Variants in BOC observed in about 807,000 individuals in gnomAD.
BOC encodes the protein BOC cell adhesion associated, oncogene regulated, also known as brother of CDO.
In BOC, 76 loss-of-function variants were observed where a neutral mutation model predicts 112.0. That is an observed-to-expected ratio of 0.68 (90% confidence interval 0.56 to 0.82). BOC has a LOEUF of 0.82. BOC is among the 40% of genes least tolerant of loss of function. BOC has a pLI of 0.00. For missense variants in BOC, 1,309 were observed against 1,511.7 expected, an observed-to-expected ratio of 0.87 and a Z score of 2.22; for synonymous variants, 580 against 599.8, an observed-to-expected ratio of 0.97 and a Z score of 0.48.
intron 2 of BOC, among the ~76,000 whole-genome samples, chr3:113,240,017 G>A (rs986378208): frequency 2.0e-5 from 3 of 152,146 alleles, no homozygotes; most frequent in Non-Finnish European, 2.9e-5. Context: ...AGTTCATACC[G>A]AGGACCAAGG....
intron 2 of BOC, among the ~76,000 whole-genome samples, chr3:113,223,701 C>T (rs763808658): frequency 1.7e-4 from 26 of 148,634 alleles, no homozygotes; most frequent in Non-Finnish European, 3.6e-4. Context: ...TGGAATCACA[C>T]AGCCTATGCC....
chr3:113,212,219 C>T (rs1026290216), intron 1 of BOC: 15 of 151,356 alleles, frequency 9.9e-5, no homozygotes, highest in Non-Finnish European at 1.8e-4. Context: ...GCTGGGCGCG[C>T]CGGGCGCCGG....
At chr3:113,253,910 C>T (rs185813191) in intron 4 of BOC, among the ~76,000 whole-genome samples, 1 of 152,204 alleles carries the variant, frequency 6.6e-6, no homozygotes, top group Non-Finnish European at 1.5e-5. Context: ...CAGCACAAGT[C>T]TGTAGAGACT....
At position 113,224,904 on chromosome 3, in the gene BOC, C is replaced by T. The variant is rs548416437; in HGVS notation, c.-82+8630C>T. 3.9e-5 allele frequency among the ~76,000 whole-genome samples: 6 copies of T among 151,956 alleles called. No homozygotes were observed. In the East Asian group the frequency reaches 7.8e-4, roughly 20 times the overall value. ...CATTCTGGCTAACACTGTGAAACCC[C>T]GTCTCTACTAAAAATACAAGAAATT... On this transcript the variant is annotated intron_variant, in intron 2 of 19. Transcript: ENST00000682979.
Position 113,272,654 on chromosome 3 carries a change from G to A in BOC, c.912G>A (p.Gly304=). Residue 304 remains glycine (G), a synonymous_variant, in exon 7 of 20, where the codon GGG becomes GGA. Coordinates refer to ENST00000682979, the MANE Select transcript of BOC (RefSeq NM_001378074.1). ...CCTACCGCTGCATGGCCGACAATGG[G>A]GTTGGGCAGCCCGGGGCAGCGGTCA... ...SGTYRCMADN[G]VGQPGAAVIL... is the part of the protein sequence containing the mutation. 1 of 1,613,938 alleles carries A rather than the reference G, an allele frequency of 6.2e-7. No individual in the cohort carries two copies. Among genetic ancestry groups the A allele is most frequent in the Non-Finnish European group, 8.5e-7 (1 of 1,179,992 alleles).
chr3:113,233,152 T>TGG (rs1293748930), intron 2 of BOC, among the ~76,000 whole-genome samples: 2 of 100,190 alleles, frequency 2.0e-5, no homozygotes, highest in East Asian at 2.1e-4. Context: ...GATTGGGGTG[T>TGG]GTGTGTGTGT....
chr3:113,255,916 T>A (rs113997988), intron 4 of BOC, among the ~76,000 whole-genome samples: 23 of 152,290 alleles, frequency 1.5e-4, no homozygotes, highest in African/African-American at 4.3e-4. Flanking sequence ...CTAAAAAAAA[T>A]TTTTAAATTC....
intron 4 of BOC, among the ~76,000 whole-genome samples, chr3:113,254,814 C>T (rs553737794): frequency 6.6e-6 from 1 of 152,312 alleles, no homozygotes; most frequent in Non-Finnish European, 1.5e-5. Context: ...GGCTTAGGAC[C>T]AGGCTTGAGG....
At chr3:113,216,309 G>A (rs1466521632) in intron 2 of BOC, 35 bp downstream of exon 2, 1 of 455,362 alleles carries the variant, frequency 2.2e-6, no homozygotes, top group Non-Finnish European at 4.4e-6. Context: ...TGATAGCTCT[G>A]GCCTATTAGG....
At chr3:113,277,601 C>G (rs759036623) in intron 9 of BOC, among the ~76,000 whole-genome samples, 1 of 152,228 alleles carries the variant, frequency 6.6e-6, no homozygotes, top group Non-Finnish European at 1.5e-5. Context: ...GAAGTAGCAC[C>G]TATAAACTGC....
In BOC at chr3:113,225,127, A is replaced by C. The variant is rs149396936; in HGVS notation, c.-82+8853A>C. Reference sequence around the variant, plus strand: ...AAACAAACAAAAAACCACAAAAATAAGTCGGGTGTGGTGGTGCACGCCTGT... The same window carrying C: ...AAACAAACAAAAAACCACAAAAATACGTCGGGTGTGGTGGTGCACGCCTGT... On this transcript the variant is annotated intron_variant, in intron 2 of 19. Coordinates refer to ENST00000682979, the MANE Select transcript of BOC (RefSeq NM_001378074.1). Among the ~76,000 whole-genome samples, 164 of 151,232 alleles carry C rather than the reference A, an allele frequency of 1.1e-3. 3 individuals are homozygous for C. In the East Asian group the frequency reaches 0.023, roughly 21 times the overall value.
At chr3:113,259,053 A>C (rs2107512508) in intron 4 of BOC, among the ~76,000 whole-genome samples, 1 of 152,212 alleles carries the variant, frequency 6.6e-6, no homozygotes, top group East Asian at 1.9e-4. Context: ...TGGCTACACT[A>C]GTCCTATTAG....
chr3:113,242,967 A>G (rs1007137901), intron 2 of BOC, among the ~76,000 whole-genome samples: 2 of 152,144 alleles, frequency 1.3e-5, no homozygotes, highest in Admixed American at 6.5e-5. Flanking sequence ...GCTAATATTT[A>G]ATATAGGGGT....
At chr3:113,244,206 A>G (rs1944634546) in intron 2 of BOC, among the ~76,000 whole-genome samples, 1 of 152,202 alleles carries the variant, frequency 6.6e-6, no homozygotes, top group Admixed American at 6.5e-5. Context: ...TGTCCCAAAT[A>G]TTGCTTTAAG....
intron 2 of BOC, among the ~76,000 whole-genome samples, chr3:113,217,051 C>T (rs1277370335): frequency 2.6e-5 from 4 of 152,190 alleles, no homozygotes; most frequent in African/African-American, 4.8e-5. Flanking sequence ...TGGAGGTTGG[C>T]GCCTTCATCC....
intron 2 of BOC, among the ~76,000 whole-genome samples, chr3:113,225,277 A>G (rs1216967681): frequency 8.5e-5 from 12 of 140,384 alleles, no homozygotes; most frequent in African/African-American, 1.9e-4. Context: ...TTGTCAAAAA[A>G]AAAAACAACA....
rs1253487256 is a variant in BOC at position 113,273,282 on chromosome 3, T to C, written c.1175T>C (p.Met392Thr). 6.2e-7 allele frequency: 1 copy of C among 1,608,722 alleles called. No individual in the cohort carries two copies. Among genetic ancestry groups the C allele is most frequent in the Non-Finnish European group, 8.5e-7 (1 of 1,176,332 alleles). ...GAGGACGAAGGCGTCTACCAGTGCA[T>C]GGCCGAGAACGAGGTTGGGAGCGCC... ...GPEDEGVYQC[M>T]AENEVGSAHA... is the part of the protein sequence containing the mutation. The change falls in exon 8 of 20, where the codon ATG becomes ACG. Residue 392 changes from methionine (M) to threonine (T), a missense_variant. Coordinates refer to ENST00000682979, the MANE Select transcript of BOC (RefSeq NM_001378074.1).
At position 113,249,049 on chromosome 3, in the gene BOC, T is replaced by C. The variant is rs577326507; in HGVS notation, c.-81-673T>C. Among the ~76,000 whole-genome samples, 100 of 152,282 alleles carry C rather than the reference T, an allele frequency of 6.6e-4. 1 individual carries two copies. Among genetic ancestry groups the C allele is most frequent in the Non-Finnish European group, 9.0e-4 (61 of 68,024 alleles). Reference sequence around the variant, plus strand: ...TCTTGGCTGGCTTATGACTTTGGGCTGTGTTTGTACCTGTGGGAGTAGATG... The same window carrying C: ...TCTTGGCTGGCTTATGACTTTGGGCCGTGTTTGTACCTGTGGGAGTAGATG... On this transcript the variant is annotated intron_variant, in intron 2 of 19. Transcript: ENST00000682979.
At position 113,211,574 on chromosome 3, in the gene BOC, C is replaced by T. The variant is rs1228174517; in HGVS notation, c.-612C>T. 2 of 152,310 alleles carry T rather than the reference C, an allele frequency of 1.3e-5. No individual in the cohort carries two copies. The highest frequency in any genetic ancestry group is 2.9e-5 in the Non-Finnish European group (2 of 68,126). The allele number at this position is 152,310 out of a possible 1,614,324, so 9.4% of individuals were successfully genotyped here. A position where few individuals can be genotyped will look rare whatever the true frequency, so the allele number is the denominator to read the frequency against. On this transcript the variant is annotated 5_prime_UTR_variant, in exon 1 of 20. Coordinates refer to ENST00000682979, the MANE Select transcript of BOC (RefSeq NM_001378074.1). The stretch of plus-strand genomic sequence containing the variant: ...GCGAGTTCAGTCATCCAAAAAGCTT[C>T]TTCCATATGGAGGGACCGGGTGCGC...
Sources: gnomAD v4.1 joint callset for allele counts (sites outside exome capture counted in the v4.1 genomes callset) on GRCh38, gnomAD v4.1.1 for gene constraint, MANE v1.5 for transcripts, NCBI Gene and HGNC (gene_info 2026-07-23, HGNC 2026-07-21) for gene names.